The following CRIM1 variants were observed in gnomAD, a reference collection of about 807,000 sequenced individuals.
CRIM1 encodes cysteine-rich motor neuron 1 protein.
A neutral mutation model predicts 116.4 loss-of-function variants in CRIM1; 32 were observed. That is an observed-to-expected ratio of 0.27 (90% CI 0.21 to 0.37). The LOEUF (loss-of-function observed/expected upper bound fraction) is 0.37, where lower values mean the gene tolerates loss of function less well. Ranked by LOEUF, CRIM1 falls within the 10% of genes least tolerant of loss-of-function variation. The pLI, the probability that CRIM1 is intolerant of heterozygous loss-of-function variation, is 1.00. For synonymous variants in CRIM1, 590 were observed against 509.2 expected (o/e 1.16, Z -2.13); for missense variants, 1,331 against 1,354.8 (o/e 0.98, Z 0.28).
chr2:36,433,991 G>A (rs533080968), intron 2 of CRIM1, among the ~76,000 whole-genome samples: 1 of 152,262 alleles, frequency 6.6e-6, no homozygotes, highest in Admixed American at 6.5e-5. Context: ...TTCTGGGACT[G>A]TATCAACAAG....
rs1292708609 is a variant in CRIM1 at position 36,356,507 on chromosome 2, A to G, written c.215A>G (p.Glu72Gly). The change falls in exon 1 of 17, where the codon GAG becomes GGG. Residue 72 changes from glutamate to glycine, a missense_variant. By Grantham distance (98) the Glu-to-Gly change is moderately conservative (BLOSUM62 -2). Transcript: ENST00000280527. This position sits in a 1 kb window ranked among gnomAD's most constrained non-coding sequence, Gnocchi z 4.3. ...TACACGTGCGCCAGCCAGAGGAACG[A>G]GAGCTGCGGCGGCACCTTCGGGATT... The part of the protein sequence containing the change: ...CCYTCASQRN[E>G]SCGGTFGIYG... The G allele has an allele frequency of 2.5e-6, 4 of 1,612,818 alleles. No homozygotes were observed. Among genetic ancestry groups the G allele is most frequent in the Non-Finnish European group, 2.5e-6 (3 of 1,179,836 alleles).
intron 4 of CRIM1, among the ~76,000 whole-genome samples, chr2:36,450,119 G>A (rs191821237): frequency 9.9e-5 from 15 of 152,136 alleles, no homozygotes; most frequent in Admixed American, 3.9e-4. Context: ...GGCTGACTCC[G>A]CAAGATAAGG....
At chr2:36,489,616 C>T (rs562400695) in intron 7 of CRIM1, among the ~76,000 whole-genome samples, 3 of 152,286 alleles carry the variant, frequency 2.0e-5, no homozygotes, top group Non-Finnish European at 2.9e-5. Context: ...TTACTGTTGA[C>T]ATATGTTTGA....
intron 2 of CRIM1, among the ~76,000 whole-genome samples, chr2:36,437,191 C>G (rs1441737878): frequency 6.6e-6 from 1 of 152,070 alleles, no homozygotes; most frequent in South Asian, 2.1e-4. Context: ...CTGGCTAACA[C>G]GGTGAAACCG....
At chr2:36,468,035 A>T (rs1343783354) in intron 5 of CRIM1, among the ~76,000 whole-genome samples, 1 of 152,236 alleles carries the variant, frequency 6.6e-6, no homozygotes, top group Admixed American at 6.5e-5. Flanking sequence ...CCAAAAGGTC[A>T]GATTGACACA....
chr2:36,546,897 TTGC>T, intron 15 of CRIM1, 84 bp from the exon 16 acceptor site: 1 of 745,812 alleles, frequency 1.3e-6, no homozygotes, highest in Non-Finnish European at 2.2e-6. Flanking sequence ...TAAAACCAAG[TTGC>T]TGATCTCTAT....
chr2:36,437,562 A>G (rs560140451), intron 2 of CRIM1, among the ~76,000 whole-genome samples: 5 of 73,722 alleles, frequency 6.8e-5, no homozygotes, highest in Non-Finnish European at 9.5e-5. Context: ...TTAAAATCCA[A>G]CCGATTATAT....
chr2:36,461,212 AG>A (rs1187800027), intron 4 of CRIM1, among the ~76,000 whole-genome samples: 1 of 152,146 alleles, frequency 6.6e-6, no homozygotes. Flanking sequence ...AGATTGGACT[AG>A]AACTGGAAAT....
chr2:36,479,454 T>C, intron 6 of CRIM1, 43 bp from the exon 7 acceptor site: 1 of 1,589,744 alleles, frequency 6.3e-7, no homozygotes. Context: ...AGATAAGATT[T>C]AGAAGATGCT....
At chr2:36,495,846 G>C (rs1252215553) in intron 7 of CRIM1, among the ~76,000 whole-genome samples, 1 of 152,046 alleles carries the variant, frequency 6.6e-6, no homozygotes, top group African/African-American at 2.4e-5. Flanking sequence ...TAACAATAAT[G>C]TGAGATTTTT....
At chr2:36,431,281 C>T (rs2124901170) in intron 2 of CRIM1, among the ~76,000 whole-genome samples, 1 of 152,202 alleles carries the variant, frequency 6.6e-6, no homozygotes, top group South Asian at 2.1e-4. Flanking sequence ...TGTTTTTATA[C>T]TTACACACTT....
intron 4 of CRIM1, among the ~76,000 whole-genome samples, chr2:36,463,629 C>T (rs1215910855): frequency 1.3e-5 from 2 of 152,218 alleles, no homozygotes; most frequent in African/African-American, 2.4e-5. Context: ...TGACACCCAG[C>T]TGCCCTAAGT....
intron 1 of CRIM1, among the ~76,000 whole-genome samples, chr2:36,361,907 GAAT>G (rs1431641694): frequency 1.3e-5 from 2 of 152,136 alleles, no homozygotes; most frequent in Non-Finnish European, 2.9e-5. Flanking sequence ...AAGCATGCAT[GAAT>G]AACACATTGA....
chr2:36,357,567 G>C (rs958072147), intron 1 of CRIM1, among the ~76,000 whole-genome samples: 2 of 152,190 alleles, frequency 1.3e-5, no homozygotes, highest in African/African-American at 4.8e-5. Flanking sequence ...GGCCTTCAGG[G>C]TGCCTGGTCT....
At chr2:36,382,183 T>C (rs1670830377) in intron 1 of CRIM1, among the ~76,000 whole-genome samples, 1 of 152,194 alleles carries the variant, frequency 6.6e-6, no homozygotes. Flanking sequence ...AGTAAACCCC[T>C]GTGGAACCAC....
intron 2 of CRIM1, among the ~76,000 whole-genome samples, chr2:36,420,483 A>G (rs1572692144): frequency 6.6e-6 from 1 of 152,314 alleles, no homozygotes; most frequent in East Asian, 1.9e-4. Flanking sequence ...CAGTCCGTCA[A>G]GATTTAATGA....
chr2:36,381,988 A>C (rs1349949397), intron 1 of CRIM1, among the ~76,000 whole-genome samples: 2 of 152,160 alleles, frequency 1.3e-5, no homozygotes, highest in South Asian at 2.1e-4. Flanking sequence ...CACCTGGACC[A>C]CACTTGGGTC....
At chr2:36,411,539 A>G (rs530638894) in intron 2 of CRIM1, among the ~76,000 whole-genome samples, 4 of 152,234 alleles carry the variant, frequency 2.6e-5, no homozygotes, top group Non-Finnish European at 5.9e-5. Flanking sequence ...GTATACAAAT[A>G]TGTCCCATGT....
At chr2:36,455,646 G>T (rs890291750) in intron 4 of CRIM1, among the ~76,000 whole-genome samples, 1 of 152,208 alleles carries the variant, frequency 6.6e-6, no homozygotes, top group Non-Finnish European at 1.5e-5. Flanking sequence ...GGTCAACTTG[G>T]AGAATGCTGA....
Sources: gnomAD v4.1 joint callset for allele counts (sites outside exome capture counted in the v4.1 genomes callset) on GRCh38, gnomAD v4.1.1 for gene constraint, Gnocchi (gnomAD v3.1) non-coding constraint, MANE v1.5 for transcripts, NCBI Gene and HGNC (gene_info 2026-07-23, HGNC 2026-07-21) for gene names.